Variants in TAF1B observed in about 807,000 individuals in gnomAD.
The protein encoded by TAF1B is TATA box-binding protein-associated factor RNA polymerase I subunit B.
TAF1B carries 61 observed loss-of-function variants against 83.9 expected under a neutral mutation model. The observed-to-expected ratio is 0.73, with a 90% CI of 0.59 to 0.90. The LOEUF is 0.90. Among genes scored for constraint, TAF1B ranks in the 40% least tolerant of loss-of-function variants. The pLI, the probability that TAF1B is intolerant of heterozygous loss-of-function variation, is 0.00. For synonymous variants in TAF1B, 221 were observed against 224.6 expected, an observed-to-expected ratio of 0.98 and a Z score of 0.14; for missense variants, 625 against 677.0, an observed-to-expected ratio of 0.92 and a Z score of 0.85.
At position 9,857,493 on chromosome 2, in the gene TAF1B, G is replaced by A. The variant is rs76149760; in HGVS notation, c.399+3072G>A. 3.2e-3 allele frequency among the ~76,000 whole-genome samples: 486 copies of A among 152,294 alleles called. 3 individuals carry two copies. Among genetic ancestry groups the A allele is most frequent in the African/African-American group, 0.011 (468 of 41,552 alleles). On this transcript the variant is annotated intron_variant, in intron 5 of 14. Coordinates refer to ENST00000263663, the MANE Select transcript of TAF1B (RefSeq NM_005680.3). The stretch of plus-strand genomic sequence containing the variant: ...AGGAAAGAGTTGCCATCAGCTGAAG[G>A]GTAAGTGGGCCAGGAAGGTCAGTGG...
At chr2:9,913,928 G>C (rs1015003087) in intron 12 of TAF1B, among the ~76,000 whole-genome samples, 1 of 152,160 alleles carries the variant, frequency 6.6e-6, no homozygotes, top group African/African-American at 2.4e-5. Flanking sequence ...TAACATCTCT[G>C]TATTTAATGT....
chr2:9,856,870 G>A (rs1011166931), intron 5 of TAF1B, among the ~76,000 whole-genome samples: 2 of 152,176 alleles, frequency 1.3e-5, no homozygotes, highest in South Asian at 4.1e-4. Context: ...ATTTTGAAAG[G>A]AAATGGAAAC....
Position 9,859,472 on chromosome 2 carries a change from C to T in TAF1B, c.399+5051C>T, listed in dbSNP as rs189261983. Among the ~76,000 whole-genome samples the T allele has an allele frequency of 9.9e-5, 15 of 151,670 alleles. No individual in the cohort carries two copies. The East Asian group carries it at 1.2e-3, about 12-fold the overall frequency. ...CACCATCTTGGCTCATTGCAACCTC[C>T]GCCTCCTGGATTCAAGCGATTTTTG... On this transcript the variant is annotated intron_variant, in intron 5 of 14. Transcript: ENST00000263663.
At chr2:9,855,329 C>T (rs184544279) in intron 5 of TAF1B, among the ~76,000 whole-genome samples, 1 of 152,226 alleles carries the variant, frequency 6.6e-6, no homozygotes, top group Admixed American at 6.5e-5. Context: ...TACAGATGCC[C>T]CTTGCCATGG....
intron 11 of TAF1B, among the ~76,000 whole-genome samples, chr2:9,912,372 G>A (rs1320817478): frequency 2.4e-5 from 1 of 41,634 alleles, no homozygotes; most frequent in Non-Finnish European, 1.4e-4. Context: ...GTTTCTTAAT[G>A]TTCTGTTCTC....
At chr2:9,916,420 C>T (rs1665682051) in intron 12 of TAF1B, among the ~76,000 whole-genome samples, 1 of 152,176 alleles carries the variant, frequency 6.6e-6, no homozygotes, top group South Asian at 2.1e-4. Context: ...TTTTAGATCA[C>T]CTTTCCCATT....
chr2:9,925,548 G>T (rs1422457406), intron 14 of TAF1B, among the ~76,000 whole-genome samples: 1 of 151,754 alleles, frequency 6.6e-6, no homozygotes, highest in Non-Finnish European at 1.5e-5. Flanking sequence ...GTTTTGTTTG[G>T]TTGGTTGATT....
intron 8 of TAF1B, among the ~76,000 whole-genome samples, chr2:9,897,985 A>G (rs1427657299): frequency 1.5e-5 from 1 of 66,500 alleles, no homozygotes; most frequent in African/African-American, 5.8e-5. Context: ...CCAACCCCCC[A>G]CCCCGCCCCC....
intron 8 of TAF1B, among the ~76,000 whole-genome samples, chr2:9,890,322 C>T (rs1251949312): frequency 1.3e-5 from 2 of 152,178 alleles, no homozygotes; most frequent in East Asian, 1.9e-4. Context: ...GCTCAGTTCC[C>T]ATGGTTGGTA....
chr2:9,902,911 G>A (rs991282300), intron 8 of TAF1B, among the ~76,000 whole-genome samples: 7 of 152,180 alleles, frequency 4.6e-5, no homozygotes, highest in African/African-American at 1.7e-4. Context: ...ACATGCACAT[G>A]TGTGTTGTAC....
At chr2:9,867,776 T>C (rs974963464) in intron 5 of TAF1B, among the ~76,000 whole-genome samples, 11 of 152,154 alleles carry the variant, frequency 7.2e-5, no homozygotes, top group African/African-American at 2.7e-4. Flanking sequence ...AAATCGTATA[T>C]GCTACAGGAG....
intron 8 of TAF1B, among the ~76,000 whole-genome samples, chr2:9,895,010 A>G (rs1664975146): frequency 6.6e-6 from 1 of 152,190 alleles, no homozygotes; most frequent in African/African-American, 2.4e-5. Context: ...AAAACAAATT[A>G]TTATCTCCTG....
intron 9 of TAF1B, among the ~76,000 whole-genome samples, chr2:9,908,481 T>TA (rs1309689235): frequency 6.6e-6 from 1 of 152,224 alleles, no homozygotes; most frequent in African/African-American, 2.4e-5. Flanking sequence ...AGATAATGGT[T>TA]AAAATTTTAG....
At chr2:9,863,804 T>G (rs1035937374) in intron 5 of TAF1B, among the ~76,000 whole-genome samples, 1 of 152,030 alleles carries the variant, frequency 6.6e-6, no homozygotes, top group Non-Finnish European at 1.5e-5. Context: ...CACTCAAAAC[T>G]GCTCAACTAC....
chr2:9,870,029 GGAAA>G (rs1664116724), intron 6 of TAF1B, among the ~76,000 whole-genome samples: 1 of 151,952 alleles, frequency 6.6e-6, no homozygotes, highest in Middle Eastern at 3.4e-3. Context: ...GTATGTATAC[GGAAA>G]GAATTTATTT....
At chr2:9,862,195 A>G (rs1179880764) in intron 5 of TAF1B, among the ~76,000 whole-genome samples, 2 of 151,592 alleles carry the variant, frequency 1.3e-5, no homozygotes, top group Non-Finnish European at 1.5e-5. Context: ...AAAAACCTTG[A>G]AAAAAAAATT....
chr2:9,933,723 A>AGTGT, intron 14 of TAF1B, 60 bp from the exon 15 acceptor site: 1 of 1,366,908 alleles, frequency 7.3e-7, no homozygotes, highest in South Asian at 1.3e-5. Context: ...TTCAGGGGTT[A>AGTGT]GTGTGTGCAT....
chr2:9,875,466 A>C (rs1664295143), intron 6 of TAF1B, among the ~76,000 whole-genome samples: 1 of 152,240 alleles, frequency 6.6e-6, no homozygotes, highest in Non-Finnish European at 1.5e-5. Flanking sequence ...TCATTTATAC[A>C]GAAAAAGAGG....
At chr2:9,928,548 G>A (rs1666115102) in intron 14 of TAF1B, among the ~76,000 whole-genome samples, 1 of 152,150 alleles carries the variant, frequency 6.6e-6, no homozygotes, top group South Asian at 2.1e-4. Context: ...GCAGTGGTTT[G>A]TAGTTCTCCT....
Sources: allele counts gnomAD v4.1 joint callset (sites outside exome capture counted in the v4.1 genomes callset), GRCh38; gene constraint gnomAD v4.1.1; transcripts MANE v1.5; gene names NCBI Gene and HGNC (gene_info 2026-07-23, HGNC 2026-07-21).